PDE4B: variants seen among roughly 807,000 people sequenced by gnomAD.
The protein encoded by PDE4B is 3',5'-cyclic-AMP phosphodiesterase 4B.
PDE4B carries 20 observed loss-of-function variants against 82.2 expected under a neutral mutation model. The ratio of observed to expected loss-of-function variants is 0.24; its 90% CI spans 0.17 to 0.35. The LOEUF (loss-of-function observed/expected upper bound fraction) is 0.35. PDE4B is among the 10% of genes least tolerant of loss of function. PDE4B has a pLI of 1.00. For missense variants in PDE4B, 655 were observed against 907.2 expected (o/e 0.72, Z 3.57); for synonymous variants, 320 against 318.9 (o/e 1.00, Z -0.04).
chr1:65,950,969 C>T lies in PDE4B; in HGVS notation c.281+32134C>T, dbSNP rs78261392. Among the ~76,000 whole-genome samples the T allele has an allele frequency of 3.7e-4, 56 of 152,184 alleles. 2 individuals are homozygous for T. The East Asian group carries it at 9.7e-3, about 26-fold the overall frequency. On this transcript the variant is annotated intron_variant, in intron 3 of 16. Coordinates refer to ENST00000341517, the MANE Select transcript of PDE4B (RefSeq NM_002600.4). ...AAACCGTCTGGAAATCTTCTATAGT[C>T]TTGGATAAGAAGGTTGTGTTTATCT...
At chr1:66,014,502 G>T (rs1652663292) in intron 3 of PDE4B, among the ~76,000 whole-genome samples, 1 of 151,952 alleles carries the variant, frequency 6.6e-6, no homozygotes. Context: ...GCTTTCTTTT[G>T]CAGTATCCAG....
At chr1:65,931,768 C>T (rs1455819714) in intron 3 of PDE4B, among the ~76,000 whole-genome samples, 1 of 152,202 alleles carries the variant, frequency 6.6e-6, no homozygotes, top group Non-Finnish European at 1.5e-5. Flanking sequence ...CTCAATGCCA[C>T]ATGATTGAAA....
chr1:66,159,051 T>G (rs1646557678), intron 3 of PDE4B, among the ~76,000 whole-genome samples: 1 of 152,076 alleles, frequency 6.6e-6, no homozygotes, highest in African/African-American at 2.4e-5. Context: ...GTAATAAAAA[T>G]GTATTGTATA....
chr1:66,340,230 T>C (rs1222676016), intron 8 of PDE4B, among the ~76,000 whole-genome samples: 1 of 152,248 alleles, frequency 6.6e-6, no homozygotes, highest in Non-Finnish European at 1.5e-5. Context: ...CTGTTTAGTC[T>C]CTTGTGTATT....
chr1:66,020,089 A>G (rs1343080274), intron 3 of PDE4B, among the ~76,000 whole-genome samples: 2 of 152,320 alleles, frequency 1.3e-5, no homozygotes, highest in African/African-American at 4.8e-5. Context: ...TTTTTCTTTC[A>G]AAAGTTTGCA....
chr1:65,873,898 G>A lies in PDE4B; in HGVS notation c.-70-39347G>A, dbSNP rs535669012. On this transcript the variant is annotated intron_variant, in intron 1 of 16. Transcript: ENST00000341517. ...CGGCTTAGGATTGACTTGGTGATGC[G>A]GGCTCTTTTTTGGTTCCATATGAAC... Among the ~76,000 whole-genome samples the A allele has an allele frequency of 8.6e-5, 13 of 151,868 alleles. No homozygotes were observed. In the East Asian group the frequency reaches 2.3e-3, roughly 27 times the overall value.
intron 3 of PDE4B, among the ~76,000 whole-genome samples, chr1:66,090,146 A>C (rs1644982857): frequency 6.6e-6 from 1 of 152,054 alleles, no homozygotes; most frequent in Non-Finnish European, 1.5e-5. Context: ...GCTAATATAC[A>C]GATAACAAAA....
chr1:65,851,791 G>A (rs983332237), intron 1 of PDE4B, among the ~76,000 whole-genome samples: 2 of 151,818 alleles, frequency 1.3e-5, no homozygotes, highest in African/African-American at 4.8e-5. Context: ...TCACCTTGCT[G>A]CTCTAGTGTT....
chr1:66,159,724 C>G (rs550536013), intron 3 of PDE4B, among the ~76,000 whole-genome samples: 7 of 151,850 alleles, frequency 4.6e-5, no homozygotes, highest in Non-Finnish European at 8.8e-5. Flanking sequence ...GTAGAAATAA[C>G]GTAAAAGCTC....
intron 1 of PDE4B, among the ~76,000 whole-genome samples, chr1:65,864,774 G>A (rs1225919269): frequency 1.3e-5 from 2 of 152,142 alleles, no homozygotes; most frequent in Non-Finnish European, 2.9e-5. Flanking sequence ...ATGCCAGCTG[G>A]AACTCTCCTG....
At chr1:66,172,772 C>A (rs1646861690) in intron 3 of PDE4B, among the ~76,000 whole-genome samples, 1 of 67,534 alleles carries the variant, frequency 1.5e-5, no homozygotes, top group African/African-American at 8.6e-5. Context: ...ATCTCCTCAT[C>A]TTCACATTAT....
At chr1:66,155,655 T>C (rs1646488841) in intron 3 of PDE4B, among the ~76,000 whole-genome samples, 1 of 151,738 alleles carries the variant, frequency 6.6e-6, no homozygotes, top group African/African-American at 2.4e-5. Context: ...ATATATGCTA[T>C]ATATAGTACC....
chr1:65,832,843 C>T (rs1055149820), intron 1 of PDE4B, among the ~76,000 whole-genome samples: 10 of 152,090 alleles, frequency 6.6e-5, no homozygotes, highest in African/African-American at 2.4e-4. Flanking sequence ...GTATATTGCT[C>T]ATTAAAGTTA....
intron 3 of PDE4B, among the ~76,000 whole-genome samples, chr1:66,058,765 C>G (rs1418161609): frequency 6.6e-6 from 1 of 152,128 alleles, no homozygotes; most frequent in Non-Finnish European, 1.5e-5. Context: ...TGGGCCCGGG[C>G]CATGAAACCA....
intron 1 of PDE4B, among the ~76,000 whole-genome samples, chr1:65,871,870 T>C (rs1646577222): frequency 6.6e-6 from 1 of 152,220 alleles, no homozygotes; most frequent in South Asian, 2.1e-4. Flanking sequence ...TTAATCAATT[T>C]CACCTAAGCT....
intron 7 of PDE4B, among the ~76,000 whole-genome samples, chr1:66,326,629 C>A (rs573370979): frequency 2.3e-4 from 35 of 152,212 alleles, no homozygotes; most frequent in Admixed American, 2.1e-3. Context: ...AAAGGGAGTC[C>A]AATTATGTGA....
intron 13 of PDE4B, among the ~76,000 whole-genome samples, chr1:66,365,972 T>A (rs1008338867): frequency 2.0e-5 from 3 of 152,090 alleles, no homozygotes; most frequent in South Asian, 2.1e-4. Context: ...TTGGAGAGGG[T>A]CATAGGGGAG....
chr1:66,047,939 G>T (rs1654803720), intron 3 of PDE4B, among the ~76,000 whole-genome samples: 2 of 151,904 alleles, frequency 1.3e-5, no homozygotes, highest in South Asian at 4.1e-4. Context: ...GGTATGAAGA[G>T]CTAATGGCTG....
At chr1:65,854,025 C>T (rs932596654) in intron 1 of PDE4B, among the ~76,000 whole-genome samples, 1 of 152,022 alleles carries the variant, frequency 6.6e-6, no homozygotes, top group Non-Finnish European at 1.5e-5. Context: ...GCCCAGTGGT[C>T]CACATGAGAG....
Sources: gnomAD v4.1 joint callset for allele counts (sites outside exome capture counted in the v4.1 genomes callset) on GRCh38, gnomAD v4.1.1 for gene constraint, MANE v1.5 for transcripts, NCBI Gene and HGNC (gene_info 2026-07-23, HGNC 2026-07-21) for gene names.